The following ELMO1 variants were observed in gnomAD, a reference collection of about 807,000 sequenced individuals.
ELMO1 encodes the protein engulfment and cell motility protein 1.
In ELMO1, 26 loss-of-function variants were observed where a neutral mutation model predicts 98.9. That is an observed-to-expected ratio of 0.26 (90% CI 0.19 to 0.36). The LOEUF is 0.36. Among genes scored for constraint, ELMO1 ranks in the 10% least tolerant of loss-of-function variants. The probability of loss-of-function intolerance (pLI) is 1.00; values close to 1 mark genes in which losing one functional copy is unlikely to be tolerated. For missense variants in ELMO1, 627 were observed against 935.2 expected, an observed-to-expected ratio of 0.67 and a Z score of 4.30; for synonymous variants, 346 against 346.0, an observed-to-expected ratio of 1.00 and a Z score of 0.00.
chr7:37,254,835 T>G (rs1795554647), intron 6 of ELMO1, among the ~76,000 whole-genome samples: 1 of 152,192 alleles, frequency 6.6e-6, no homozygotes, highest in African/African-American at 2.4e-5. Context: ...TTGCTTTAGC[T>G]CACATAAAGT....
intron 13 of ELMO1, among the ~76,000 whole-genome samples, chr7:37,202,463 A>T (rs1267571779): frequency 1.3e-5 from 2 of 152,248 alleles, no homozygotes. Flanking sequence ...ATAAAATCAC[A>T]CTGGGATCGG....
At chr7:36,907,989 T>A (rs1274332545) in intron 16 of ELMO1, among the ~76,000 whole-genome samples, 2 of 152,220 alleles carry the variant, frequency 1.3e-5, no homozygotes, top group Non-Finnish European at 2.9e-5. Flanking sequence ...GAAGTCCCAA[T>A]AAGCACTAAC....
intron 1 of ELMO1, among the ~76,000 whole-genome samples, chr7:37,379,680 G>C (rs539966364): frequency 2.0e-5 from 3 of 152,272 alleles, no homozygotes; most frequent in Non-Finnish European, 2.9e-5. Flanking sequence ...TTTATGTATT[G>C]AGGTGTCAGG....
At chr7:37,331,642 T>A (rs1229879887) in intron 2 of ELMO1, among the ~76,000 whole-genome samples, 1 of 152,064 alleles carries the variant, frequency 6.6e-6, no homozygotes, top group African/African-American at 2.4e-5. Context: ...CACACCGATG[T>A]TTAAGCTCTC....
chr7:37,083,243 T>TA (rs1403648142), intron 15 of ELMO1, among the ~76,000 whole-genome samples: 1 of 152,052 alleles, frequency 6.6e-6, no homozygotes. Flanking sequence ...CAGGGAAGGG[T>TA]AGGTCCAAAC....
At chr7:37,260,572 GT>G (rs1158497966) in intron 5 of ELMO1, among the ~76,000 whole-genome samples, 1 of 151,830 alleles carries the variant, frequency 6.6e-6, no homozygotes, top group Admixed American at 6.6e-5. Flanking sequence ...TCCCTGCCCA[GT>G]TCTCCCTCCA....
At chr7:37,324,763 A>G (rs2717941) in intron 2 of ELMO1, among the ~76,000 whole-genome samples, 28,718 of 152,110 alleles carry the variant, frequency 0.19, 2,805 homozygotes, top group East Asian at 0.32. Context: ...CTTTTTGTAG[A>G]GACAGGGTCT....
At chr7:37,409,782 G>A (rs940508378) in intron 1 of ELMO1, among the ~76,000 whole-genome samples, 8 of 152,148 alleles carry the variant, frequency 5.3e-5, no homozygotes, top group African/African-American at 1.9e-4. Context: ...ATGCTCTGTT[G>A]GTCAAAGCTG....
chr7:37,282,437 G>A (rs975251961), intron 4 of ELMO1, among the ~76,000 whole-genome samples: 4 of 152,160 alleles, frequency 2.6e-5, no homozygotes, highest in Non-Finnish European at 5.9e-5. Context: ...AAGCCTGATC[G>A]CTTTTGTCCA....
intron 13 of ELMO1, among the ~76,000 whole-genome samples, chr7:37,176,528 G>A (rs1790504788): frequency 6.6e-6 from 1 of 152,144 alleles, no homozygotes. Flanking sequence ...TGAATGTCCA[G>A]TACTTAAAAA....
intron 16 of ELMO1, among the ~76,000 whole-genome samples, chr7:36,979,558 C>T (rs930607144): frequency 3.3e-5 from 5 of 152,160 alleles, no homozygotes; most frequent in Non-Finnish European, 5.9e-5. Context: ...CCCCATCAAT[C>T]TCTAAAGCTA....
At chr7:37,296,319 G>T (rs1798024589) in intron 4 of ELMO1, among the ~76,000 whole-genome samples, 1 of 152,048 alleles carries the variant, frequency 6.6e-6, no homozygotes, top group African/African-American at 2.4e-5. Context: ...GCTCTGAGAG[G>T]TTGATCTTAG....
intron 5 of ELMO1, among the ~76,000 whole-genome samples, chr7:37,265,883 G>A (rs977729557): frequency 5.9e-5 from 9 of 152,072 alleles, no homozygotes; most frequent in East Asian, 1.9e-4. Context: ...TTAACAGCAC[G>A]CAGTTAATTT....
At chr7:37,155,277 CATA>C (rs1203162819) in intron 13 of ELMO1, among the ~76,000 whole-genome samples, 4 of 152,116 alleles carry the variant, frequency 2.6e-5, no homozygotes, top group Non-Finnish European at 4.4e-5. Context: ...CAGCTAGCAT[CATA>C]ATGACAGTAT....
intron 15 of ELMO1, among the ~76,000 whole-genome samples, chr7:37,040,026 A>C (rs1296881154): frequency 1.3e-5 from 2 of 152,172 alleles, no homozygotes; most frequent in African/African-American, 4.8e-5. Flanking sequence ...GATAATGTAA[A>C]TGTTTGTGTT....
chr7:37,164,111 A>T (rs144367137), intron 13 of ELMO1, among the ~76,000 whole-genome samples: 152,296 of 152,310 alleles, frequency 1, 76,141 homozygotes, highest in Non-Finnish European at 1. Flanking sequence ...TTTTTTCATC[A>T]GTCTTTTGGC....
At chr7:36,875,875 C>T (rs747240274) in intron 19 of ELMO1, among the ~76,000 whole-genome samples, 2 of 152,192 alleles carry the variant, frequency 1.3e-5, no homozygotes, top group African/African-American at 2.4e-5. Context: ...GTGCTAACAC[C>T]TGGCAAACCT....
intron 8 of ELMO1, among the ~76,000 whole-genome samples, chr7:37,225,966 C>T (rs116545915): frequency 3.9e-5 from 6 of 152,148 alleles, no homozygotes; most frequent in African/African-American, 1.4e-4. Context: ...CTGCTTCCCC[C>T]CTGTCAACAC....
At chr7:37,400,834 T>C (rs188179250) in intron 1 of ELMO1, among the ~76,000 whole-genome samples, 61 of 152,340 alleles carry the variant, frequency 4.0e-4, no homozygotes, top group Middle Eastern at 3.4e-3. Context: ...AATTCCTTTT[T>C]CTTTAGGACA....
Sources: gnomAD v4.1 joint callset for allele counts (sites outside exome capture counted in the v4.1 genomes callset) on GRCh38, gnomAD v4.1.1 for gene constraint, MANE v1.5 for transcripts, NCBI Gene and HGNC (gene_info 2026-07-23, HGNC 2026-07-21) for gene names.